The following CGNL1 variants were observed in gnomAD, a reference collection of about 807,000 sequenced individuals.
CGNL1 encodes cingulin-like protein 1.
Under a neutral mutation model 141.2 loss-of-function variants are expected in CGNL1, and 132 were observed. That is an observed-to-expected ratio of 0.93 (90% CI 0.81 to 1.08). The LOEUF is 1.08. Ranked by LOEUF, CGNL1 falls within the 50% of genes least tolerant of loss-of-function variation. The probability of loss-of-function intolerance (pLI) is 0.00; values close to 1 mark genes in which losing one functional copy is unlikely to be tolerated. For missense variants in CGNL1, 1,870 were observed against 1,588.6 expected (o/e 1.18, Z -3.01); for synonymous variants, 690 against 622.1 (o/e 1.11, Z -1.63).
chr15:57,377,970 G>A (rs2062383676), intron 1 of CGNL1, among the ~76,000 whole-genome samples: 1 of 152,178 alleles, frequency 6.6e-6, no homozygotes, highest in Non-Finnish European at 1.5e-5. Context: ...ACATCCTTAA[G>A]GTTTTGTGGT....
Position 57,438,513 on chromosome 15 carries a change from A to T in CGNL1, c.514A>T (p.Ser172Cys). Reference protein sequence around the residue: ...LNLQNHQPSESNWLKTLTEEG... With the variant: ...LNLQNHQPSECNWLKTLTEEG... ...TTTACAAAATCACCAGCCTTCTGAGAGTAATTGGCTAAAAACGTTGACAGA... is the reference window on the plus strand; with the variant it reads ...TTTACAAAATCACCAGCCTTCTGAGTGTAATTGGCTAAAAACGTTGACAGA... Residue 172 changes from serine to cysteine, a missense_variant, in exon 2 of 19, where the codon AGT becomes TGT. Physicochemically the swap from Ser to Cys is moderately radical, Grantham distance 112. Transcript: ENST00000281282. 1 of 1,614,178 alleles carries T rather than the reference A, an allele frequency of 6.2e-7. No individual in the cohort carries two copies.
chr15:57,477,672 A>G (rs1567142629), intron 8 of CGNL1: 5 of 152,244 alleles, frequency 3.3e-5, no homozygotes, highest in Non-Finnish European at 7.3e-5. Context: ...GAAGCCTTCC[A>G]TGGCTCCTTT....
intron 1 of CGNL1, among the ~76,000 whole-genome samples, chr15:57,380,613 G>T (rs1185149448): frequency 2.6e-5 from 4 of 152,082 alleles, no homozygotes; most frequent in Admixed American, 6.6e-5. Flanking sequence ...TATTAGGCCC[G>T]TACCCCAAAT....
intron 1 of CGNL1, among the ~76,000 whole-genome samples, chr15:57,405,772 C>T (rs866967737): frequency 0.011 from 1,325 of 123,452 alleles, 11 homozygotes; most frequent in South Asian, 0.03. Flanking sequence ...TTCTTTCTTT[C>T]TCTTTCTTTC....
At chr15:57,408,090 A>G (rs7169100) in intron 1 of CGNL1, among the ~76,000 whole-genome samples, 82,925 of 151,758 alleles carry the variant, frequency 0.55, 22,882 homozygotes, top group Middle Eastern at 0.59. Flanking sequence ...AATATGTGGC[A>G]GTGAGAGGGT....
intron 1 of CGNL1, chr15:57,396,918 C>T (rs747084806): frequency 1.3e-5 from 2 of 152,138 alleles, no homozygotes; most frequent in African/African-American, 2.4e-5. Context: ...GATTTCTGCC[C>T]TCTAGGAGTT....
At position 57,550,581 on chromosome 15, in the gene CGNL1, C is replaced by A. The variant is rs981154626; in HGVS notation, c.*3091C>A. 6.6e-6 allele frequency: 1 copy of A among 152,592 alleles called. No individual in the cohort carries two copies. Among genetic ancestry groups the A allele is most frequent in the Non-Finnish European group, 1.5e-5 (1 of 68,040 alleles). 9.5% of individuals were successfully genotyped at this position (152,592 alleles called of 1,614,324 possible). The stretch of plus-strand genomic sequence containing the variant: ...CAATGCCCGTTGACTTATTCCATTG[C>A]GTCTCTGCTTTAGGGTATGGTTTGG... On this transcript the variant is annotated 3_prime_UTR_variant, in exon 19 of 19. Coordinates refer to ENST00000281282, the MANE Select transcript of CGNL1 (RefSeq NM_032866.5).
chr15:57,443,774 C>T (rs1213118116), intron 4 of CGNL1, among the ~76,000 whole-genome samples: 1 of 152,134 alleles, frequency 6.6e-6, no homozygotes, highest in Non-Finnish European at 1.5e-5. Flanking sequence ...ACTCTGAAGT[C>T]CAAATTATCA....
At chr15:57,409,037 T>TCTCACACACACACACACACACACA (rs143760210) in intron 1 of CGNL1, among the ~76,000 whole-genome samples, 2 of 141,736 alleles carry the variant, frequency 1.4e-5, no homozygotes, top group African/African-American at 5.3e-5. Context: ...TGAGACTCTG[T>TCTCACACACACACACACACACACA]CACACACACA....
chr15:57,433,579 G>T (rs2063070489), intron 1 of CGNL1, among the ~76,000 whole-genome samples: 1 of 152,160 alleles, frequency 6.6e-6, no homozygotes. Context: ...GGAAGGCATT[G>T]TTACCATAGT....
At chr15:57,497,577 A>G (rs1226074355) in intron 8 of CGNL1, among the ~76,000 whole-genome samples, 3 of 152,242 alleles carry the variant, frequency 2.0e-5, no homozygotes, top group Admixed American at 6.5e-5. Flanking sequence ...CTTATTTAAC[A>G]TAAATAGGAA....
chr15:57,536,314 A>T (rs1484229813), intron 14 of CGNL1, among the ~76,000 whole-genome samples: 1 of 152,216 alleles, frequency 6.6e-6, no homozygotes, highest in African/African-American at 2.4e-5. Context: ...TTGGGTGAGG[A>T]CACAGCCAAA....
At chr15:57,516,728 G>A in intron 8 of CGNL1, 52 bp from the exon 9 acceptor site, 2 of 1,566,976 alleles carry the variant, frequency 1.3e-6, no homozygotes, top group Non-Finnish European at 1.8e-6. Flanking sequence ...CCAGCCTGGG[G>A]ACAGCTCCTT....
At chr15:57,488,001 C>A (rs1595756779) in intron 8 of CGNL1, among the ~76,000 whole-genome samples, 1 of 152,302 alleles carries the variant, frequency 6.6e-6, no homozygotes. Context: ...GTGACAGAAC[C>A]ATTTCTCATT....
In CGNL1 at chr15:57,507,192, A is replaced by G. The variant is rs759338453; in HGVS notation, c.2404-9588A>G. On this transcript the variant is annotated intron_variant, in intron 8 of 18. Transcript: ENST00000281282. ...CATACCATATGTCAAGACCTGAACT[A>G]TGGAGCATGTTGTGTTTCGGAAAAA... Among the ~76,000 whole-genome samples the G allele has an allele frequency of 5.9e-5, 9 of 152,238 alleles. No homozygotes were observed. The South Asian group carries it at 1.0e-3, about 18-fold the overall frequency.
At chr15:57,422,292 G>C (rs2062924713) in intron 1 of CGNL1, among the ~76,000 whole-genome samples, 1 of 149,930 alleles carries the variant, frequency 6.7e-6, no homozygotes, top group Non-Finnish European at 1.5e-5. Flanking sequence ...TCTGCTTCCT[G>C]CCACCCTCAG....
chr15:57,422,890 G>T (rs2062931577), intron 1 of CGNL1, among the ~76,000 whole-genome samples: 1 of 152,134 alleles, frequency 6.6e-6, no homozygotes. Flanking sequence ...AAGTTTGAAA[G>T]TGACTCATCT....
In CGNL1 at chr15:57,389,705, G is replaced by A. The variant is rs143600010; in HGVS notation, c.-16+13138G>A. On this transcript the variant is annotated intron_variant, in intron 1 of 18. Transcript: ENST00000281282. ...ACATAAGCGTAAATATTTTATCATC[G>A]TGTGTCATTATGTGCCAGGCAAACT... 2.5e-3 allele frequency among the ~76,000 whole-genome samples: 376 copies of A among 152,286 alleles called. 1 individual carries two copies. The highest frequency in any genetic ancestry group is 8.5e-3 in the African/African-American group (354 of 41,556).
At chr15:57,454,657 C>T (rs1397843086) in intron 7 of CGNL1, among the ~76,000 whole-genome samples, 2 of 152,144 alleles carry the variant, frequency 1.3e-5, no homozygotes, top group Non-Finnish European at 2.9e-5. Context: ...GTGATTGCCT[C>T]TTCTCCATAT....
Sources: allele counts gnomAD v4.1 joint callset (sites outside exome capture counted in the v4.1 genomes callset), GRCh38; gene constraint gnomAD v4.1.1; transcripts MANE v1.5; gene names NCBI Gene and HGNC (gene_info 2026-07-23, HGNC 2026-07-21).